CFAP299: variants seen among roughly 807,000 people sequenced by gnomAD.
CFAP299 encodes cilia- and flagella-associated protein 299.
Under a neutral mutation model 27.0 loss-of-function variants are expected in CFAP299, and 21 were observed. That is an observed-to-expected ratio of 0.78 (90% confidence interval 0.55 to 1.12). The LOEUF (loss-of-function observed/expected upper bound fraction) is 1.12. Among genes scored for constraint, CFAP299 ranks in the 50% most tolerant of loss-of-function variants. The pLI, the probability that CFAP299 is intolerant of heterozygous loss-of-function variation, is 0.00. For synonymous variants in CFAP299, 104 were observed against 98.1 expected, an observed-to-expected ratio of 1.06 and a Z score of -0.36; for missense variants, 310 against 276.6, an observed-to-expected ratio of 1.12 and a Z score of -0.86.
intron 2 of CFAP299, among the ~76,000 whole-genome samples, chr4:80,517,284 G>C (rs1309761858): frequency 6.6e-6 from 1 of 152,158 alleles, no homozygotes; most frequent in Non-Finnish European, 1.5e-5. Flanking sequence ...AATTTCTGTT[G>C]TTTTAGATCA....
At chr4:80,833,446 G>A (rs1259877341) in intron 3 of CFAP299, among the ~76,000 whole-genome samples, 1 of 151,956 alleles carries the variant, frequency 6.6e-6, no homozygotes, top group African/African-American at 2.4e-5. Context: ...AAAATAACAC[G>A]TACTGGCCCA....
Position 80,362,798 on chromosome 4 carries a change from G to A in CFAP299, c.156G>A (p.Gly52=). The A allele has an allele frequency of 1.9e-6, 3 of 1,613,438 alleles. No individual in the cohort carries two copies. The highest frequency in any genetic ancestry group is 2.5e-6 in the Non-Finnish European group (3 of 1,179,890). ...AGTTGGTGGAGCTAGGCTACCGAGG[G>A]ACTGGAGAGAGAGTGAAAAGGGAAG... ...ARQLVELGYR[G]TGERVKREDF... is the part of the protein sequence containing the mutation. The change falls in exon 2 of 6, where the codon GGG becomes GGA. Residue 52 remains glycine (G), a synonymous_variant. Transcript: ENST00000358105.
At chr4:80,559,331 G>A (rs1378066344) in intron 2 of CFAP299, among the ~76,000 whole-genome samples, 1 of 143,506 alleles carries the variant, frequency 7.0e-6, no homozygotes, top group Non-Finnish European at 1.5e-5. Flanking sequence ...ATAATATATA[G>A]ATCAAAGAAA....
chr4:80,447,140 T>TTTTTTTTTTTTTTG (rs1728669246), intron 2 of CFAP299, among the ~76,000 whole-genome samples: 1 of 126,542 alleles, frequency 7.9e-6, no homozygotes, highest in Admixed American at 7.7e-5. Flanking sequence ...GTTTTTTTTT[T>TTTTTTTTTTTTTTG]TTTTTTTTTT....
intron 2 of CFAP299, among the ~76,000 whole-genome samples, chr4:80,403,178 C>G (rs568001258): frequency 5.3e-5 from 8 of 152,054 alleles, no homozygotes; most frequent in African/African-American, 1.7e-4. Context: ...AAGAAAAAAC[C>G]GGAACTCTGA....
chr4:80,576,697 C>G (rs921821490), intron 2 of CFAP299, among the ~76,000 whole-genome samples: 1 of 152,136 alleles, frequency 6.6e-6, no homozygotes, highest in Non-Finnish European at 1.5e-5. Flanking sequence ...TTTTACTCAA[C>G]TACTGTTTTT....
chr4:80,411,176 A>G (rs1041848458), intron 2 of CFAP299, among the ~76,000 whole-genome samples: 2 of 152,208 alleles, frequency 1.3e-5, no homozygotes, highest in African/African-American at 4.8e-5. Flanking sequence ...TTACATTTCA[A>G]ATAAGCCATG....
At chr4:80,787,024 A>G (rs1038553551) in intron 3 of CFAP299, among the ~76,000 whole-genome samples, 1 of 151,870 alleles carries the variant, frequency 6.6e-6, no homozygotes, top group African/African-American at 2.4e-5. Flanking sequence ...TTGTCCCAAT[A>G]AAATGGGTTG....
chr4:80,827,270 A>G (rs1214827418), intron 3 of CFAP299, among the ~76,000 whole-genome samples: 1 of 151,864 alleles, frequency 6.6e-6, no homozygotes. Context: ...AAAACTGTAG[A>G]CCACTATCCC....
chr4:80,572,846 AT>A (rs1185175936), intron 2 of CFAP299, among the ~76,000 whole-genome samples: 2 of 151,990 alleles, frequency 1.3e-5, no homozygotes, highest in African/African-American at 4.8e-5. Flanking sequence ...CCATATGTAT[AT>A]GTACTACATT....
At chr4:80,388,675 G>T in intron 2 of CFAP299, 2 of 1,041,892 alleles carry the variant, frequency 1.9e-6, no homozygotes, top group South Asian at 2.5e-5. Flanking sequence ...GAATGGTCTG[G>T]TTGTCCATTC....
intron 2 of CFAP299, among the ~76,000 whole-genome samples, chr4:80,537,149 C>T (rs1733783985): frequency 6.6e-6 from 1 of 152,060 alleles, no homozygotes; most frequent in African/African-American, 2.4e-5. Flanking sequence ...TGTAGTATCG[C>T]TTCACAACTG....
At chr4:80,808,528 A>T (rs1728978877) in intron 3 of CFAP299, among the ~76,000 whole-genome samples, 1 of 152,072 alleles carries the variant, frequency 6.6e-6, no homozygotes. Flanking sequence ...ATTCTGACCT[A>T]AGGGGAATTT....
chr4:80,386,515 G>A (rs879418605), intron 2 of CFAP299: 28,085 of 1,430,672 alleles, frequency 0.02, 646 homozygotes, highest in Admixed American at 0.14. Context: ...GCGGTGGTGG[G>A]GGGGGGGGGT....
intron 2 of CFAP299, among the ~76,000 whole-genome samples, chr4:80,559,187 G>A (rs1431088534): frequency 6.6e-6 from 1 of 150,826 alleles, no homozygotes; most frequent in Non-Finnish European, 1.5e-5. Flanking sequence ...CTTTTCATGT[G>A]AACTTTCCTT....
chr4:80,529,746 CTTT>C (rs372770572), intron 2 of CFAP299, among the ~76,000 whole-genome samples: 1 of 146,814 alleles, frequency 6.8e-6, no homozygotes, highest in East Asian at 2.0e-4. Context: ...AGATACAATC[CTTT>C]TTTTTTTTCT....
chr4:80,658,768 C>T (rs1043051941), intron 3 of CFAP299, among the ~76,000 whole-genome samples: 1 of 152,072 alleles, frequency 6.6e-6, no homozygotes, highest in Non-Finnish European at 1.5e-5. Flanking sequence ...GACCTTGAAA[C>T]TGTAGCATAC....
chr4:80,406,946 T>C (rs1271862978), intron 2 of CFAP299, among the ~76,000 whole-genome samples: 1 of 152,086 alleles, frequency 6.6e-6, no homozygotes, highest in East Asian at 1.9e-4. Context: ...GCTGTATGTT[T>C]CCAAAATCTG....
At chr4:80,914,730 A>G (rs1356520428) in intron 4 of CFAP299, among the ~76,000 whole-genome samples, 1 of 152,166 alleles carries the variant, frequency 6.6e-6, no homozygotes, top group African/African-American at 2.4e-5. Flanking sequence ...CAAGAAAATC[A>G]TCCGTTTTAT....
Sources: allele counts gnomAD v4.1 joint callset (sites outside exome capture counted in the v4.1 genomes callset), GRCh38; gene constraint gnomAD v4.1.1; transcripts MANE v1.5; gene names NCBI Gene and HGNC (gene_info 2026-07-23, HGNC 2026-07-21).